CD47: variants seen among roughly 807,000 people sequenced by gnomAD.
CD47 encodes the protein leukocyte surface antigen CD47.
A neutral mutation model predicts 44.6 loss-of-function variants in CD47; 11 were observed. The observed-to-expected ratio is 0.25, with a 90% confidence interval of 0.16 to 0.41. The LOEUF (loss-of-function observed/expected upper bound fraction) is 0.41. CD47 is among the 10% of genes least tolerant of loss of function. CD47 has a pLI of 1.00. For synonymous variants in CD47, 140 were observed against 136.3 expected (o/e 1.03, Z -0.19); for missense variants, 306 against 386.7 (o/e 0.79, Z 1.75).
chr3:108,086,876 G>A (rs2079531249), intron 1 of CD47, among the ~76,000 whole-genome samples: 1 of 152,158 alleles, frequency 6.6e-6, no homozygotes, highest in Admixed American at 6.5e-5. Context: ...TGGTAGAAGT[G>A]AAAAGGTGGT....
intron 7 of CD47, 70 bp downstream of exon 7, chr3:108,057,407 C>A: frequency 1.3e-6 from 1 of 754,008 alleles, no homozygotes; most frequent in Non-Finnish European, 2.3e-6. Context: ...GAAGAACAAA[C>A]TAAAAAGCAT....
At chr3:108,089,738 A>C (rs187519791) in intron 1 of CD47, among the ~76,000 whole-genome samples, 1 of 152,300 alleles carries the variant, frequency 6.6e-6, no homozygotes, top group Non-Finnish European at 1.5e-5. Flanking sequence ...AAATACCTAA[A>C]GTCACAAGCC....
chr3:108,057,491 T>C lies in CD47; in HGVS notation c.863A>G (p.Tyr288Cys), dbSNP rs1489208442. ...LALAQLLGLV[Y>C]MKFVASNQKT... ...GATTGACTTACCCACAAATTTCATA[T>C]AAACTAGTCCAAGTAATTGTGCTAG... is the stretch of plus-strand genomic sequence containing the variant. The change falls in exon 7 of 11, where the codon TAT (tyrosine) becomes TGT (cysteine). Residue 288 changes from tyrosine (Y) to cysteine (C), a missense_variant. By Grantham distance (194) the Tyr-to-Cys change is radical. Coordinates refer to ENST00000361309, the MANE Select transcript of CD47 (RefSeq NM_001777.4). 1.2e-5 allele frequency: 18 copies of C among 1,519,040 alleles called. No homozygotes were observed. The Admixed American group carries it at 2.9e-4, about 24-fold the overall frequency. The allele number at this position is 1,519,040 out of a possible 1,614,324, so 94.1% of individuals were successfully genotyped here.
At chr3:108,069,139 G>A (rs1390948591) in intron 3 of CD47, among the ~76,000 whole-genome samples, 8 of 152,106 alleles carry the variant, frequency 5.3e-5, no homozygotes, top group Non-Finnish European at 7.4e-5. Context: ...TGATACAAAC[G>A]TTTCTGGAAA....
chr3:108,062,642 C>CTTT (rs774152967), intron 3 of CD47, among the ~76,000 whole-genome samples: 130 of 138,112 alleles, frequency 9.4e-4, no homozygotes, highest in Non-Finnish European at 1.5e-3. Flanking sequence ...TTTTTCTTTT[C>CTTT]TTTTTTTTTT....
intron 3 of CD47, among the ~76,000 whole-genome samples, chr3:108,061,671 T>C (rs2079018057): frequency 6.6e-6 from 1 of 152,228 alleles, no homozygotes; most frequent in African/African-American, 2.4e-5. Context: ...TCTTTTACTA[T>C]ATATGAATCT....
intron 3 of CD47, among the ~76,000 whole-genome samples, chr3:108,064,951 A>G (rs1165734649): frequency 6.6e-6 from 1 of 152,222 alleles, no homozygotes; most frequent in Admixed American, 6.5e-5. Flanking sequence ...AATTGTTTAA[A>G]TTTAAATTAC....
In CD47 at chr3:108,080,087, T is replaced by C. The variant is rs2079387884; in HGVS notation, c.304A>G (p.Lys102Glu). Residue 102 changes from lysine to glutamate, a missense_variant, in exon 2 of 11, where the codon AAG (lysine) becomes GAG (glutamate). Coordinates refer to ENST00000361309, the MANE Select transcript of CD47 (RefSeq NM_001777.4). ...CCTGTGTGTGAGACAGCATCACTCT[T>C]ATCCATCTTCAAAGAGGCATCTCCT... is the stretch of plus-strand genomic sequence containing the variant. ...LKGDASLKMD[K>E]SDAVSHTGNY... The C allele has an allele frequency of 1.2e-6, 2 of 1,613,158 alleles. No individual in the cohort carries two copies. Among genetic ancestry groups the C allele is most frequent in the East Asian group, 4.5e-5 (2 of 44,848 alleles).
intron 2 of CD47, among the ~76,000 whole-genome samples, chr3:108,075,093 A>G (rs1032621837): frequency 1.3e-5 from 2 of 152,166 alleles, no homozygotes; most frequent in South Asian, 4.1e-4. Flanking sequence ...ACAATGTCAG[A>G]TATTTTTCCA....
chr3:108,044,378 A>C lies in CD47; in HGVS notation c.*2910T>G, dbSNP rs1313286004. ...ACCTGGAGTTTCCAGGAGAAAAATA[A>C]TCACCTTTGAAGGTTTTTAGAGCAT... is the stretch of plus-strand genomic sequence containing the variant. On this transcript the variant is annotated 3_prime_UTR_variant, in exon 11 of 11. Coordinates refer to ENST00000361309, the MANE Select transcript of CD47 (RefSeq NM_001777.4). The C allele has an allele frequency of 7.4e-6, 1 of 135,274 alleles. No individual in the cohort carries two copies. The highest frequency in any genetic ancestry group is 2.7e-5 in the African/African-American group (1 of 36,510). The allele number at this position is 135,274 out of a possible 1,614,324, so 8.4% of individuals were successfully genotyped here.
At chr3:108,059,837 A>G (rs2078979820) in intron 4 of CD47, among the ~76,000 whole-genome samples, 2 of 152,160 alleles carry the variant, frequency 1.3e-5, no homozygotes, top group South Asian at 4.1e-4. Flanking sequence ...CATCTGCTGT[A>G]TTCAGTATGC....
chr3:108,058,483 A>ATAAC, intron 5 of CD47, 54 bp from the exon 6 acceptor site: 2 of 1,218,210 alleles, frequency 1.6e-6, no homozygotes, highest in Non-Finnish European at 2.3e-6. Flanking sequence ...TTAAAAAGCA[A>ATAAC]TAACTTCCAC....
At chr3:108,081,053 C>T (rs1025280588) in intron 1 of CD47, among the ~76,000 whole-genome samples, 4 of 151,816 alleles carry the variant, frequency 2.6e-5, no homozygotes, top group Non-Finnish European at 5.9e-5. Context: ...ATTGACACTA[C>T]AGAACAACAG....
chr3:108,045,842 G>A lies in CD47; in HGVS notation c.*1446C>T, dbSNP rs2078713432. ...AAAAAGCGTGGCAAATTACCTAGAA[G>A]TTTTAAAAGTTTTAAGTGATCAAAT... On this transcript the variant is annotated 3_prime_UTR_variant, in exon 11 of 11. Coordinates refer to ENST00000361309, the MANE Select transcript of CD47 (RefSeq NM_001777.4). 6.6e-6 allele frequency: 1 copy of A among 152,122 alleles called. No individual in the cohort carries two copies. Among genetic ancestry groups the A allele is most frequent in the Non-Finnish European group, 1.5e-5 (1 of 68,014 alleles). The allele number at this position is 152,122 out of a possible 1,614,324, so 9.4% of individuals were successfully genotyped here.
chr3:108,087,959 C>T (rs2079553506), intron 1 of CD47, among the ~76,000 whole-genome samples: 1 of 152,192 alleles, frequency 6.6e-6, no homozygotes, highest in Non-Finnish European at 1.5e-5. Flanking sequence ...ACTGATCCTA[C>T]ACTATTATTC....
chr3:108,056,991 G>GA (rs1458950898), intron 7 of CD47, among the ~76,000 whole-genome samples: 4 of 152,152 alleles, frequency 2.6e-5, no homozygotes, highest in Non-Finnish European at 4.4e-5. Flanking sequence ...GATAGATTGT[G>GA]AATTTTAATT....
At position 108,080,007 on chromosome 3, in the gene CD47, C is replaced by T. The variant is rs1212890106; in HGVS notation, c.384G>A (p.Glu128=). The T allele has an allele frequency of 3.1e-6, 5 of 1,606,798 alleles. No homozygotes were observed. Among genetic ancestry groups the T allele is most frequent in the Non-Finnish European group, 4.3e-6 (5 of 1,175,300 alleles). ...ELTREGETII[E]LKYRVVSWFS... The stretch of plus-strand genomic sequence containing the variant: ...AAGTCTTACCAACACGATATTTTAG[C>T]TCGATGATCGTTTCACCTTCTCTGG... The change falls in exon 2 of 11, where the codon GAG becomes GAA. Residue 128 remains glutamate (E), a synonymous_variant. Transcript: ENST00000361309.
intron 3 of CD47, 39 bp downstream of exon 3, chr3:108,071,054 A>T (rs2079192063): frequency 8.3e-6 from 7 of 844,924 alleles, no homozygotes; most frequent in African/African-American, 3.5e-5. Context: ...TAACTATATC[A>T]TCACTGAAAC....
Position 108,051,947 on chromosome 3 carries a change from GT to G in CD47, c.900del (p.Gln300HisfsTer7). On this transcript the variant is annotated frameshift_variant, in exon 8 of 11. Transcript: ENST00000361309. LOFTEE classifies it high-confidence loss of function. ...KFVASNQKTI[Q>X]PPRKAVEEPL... ...AATAAACTTTAACTTACCCTAGGAG[GT>G]TGTATAGTCTTCTGATTGGAAGCTG... 1 of 1,486,126 alleles carries G rather than the reference GT, an allele frequency of 6.7e-7. No homozygotes were observed. The highest frequency in any genetic ancestry group is 9.4e-7 in the Non-Finnish European group (1 of 1,066,516). The allele number at this position is 1,486,126 out of a possible 1,614,324, so 92.1% of individuals were successfully genotyped here.
Sources: gnomAD v4.1 joint callset for allele counts (sites outside exome capture counted in the v4.1 genomes callset) on GRCh38, gnomAD v4.1.1 for gene constraint, MANE v1.5 for transcripts, NCBI Gene and HGNC (gene_info 2026-07-23, HGNC 2026-07-21) for gene names.